SYT14: variants seen among roughly 807,000 people sequenced by gnomAD.
The protein encoded by SYT14 is synaptotagmin 14, also known as synaptotagmin-14.
In SYT14, 32 loss-of-function variants were observed where a neutral mutation model predicts 74.2. That is an observed-to-expected ratio of 0.43 (90% CI 0.33 to 0.58). SYT14 has a LOEUF of 0.58. Ranked by LOEUF, SYT14 falls within the 20% of genes least tolerant of loss-of-function variation. SYT14 has a pLI of 0.05. For synonymous variants in SYT14, 298 were observed against 337.7 expected, an observed-to-expected ratio of 0.88 and a Z score of 1.29; for missense variants, 791 against 981.8, an observed-to-expected ratio of 0.81 and a Z score of 2.60.
chr1:210,035,951 G>T (rs542654482), intron 5 of SYT14, among the ~76,000 whole-genome samples: 1 of 151,950 alleles, frequency 6.6e-6, no homozygotes, highest in Non-Finnish European at 1.5e-5. Flanking sequence ...AAACGATATT[G>T]TTATTTTGTT....
At chr1:210,044,441 C>G (rs958553988) in intron 5 of SYT14, among the ~76,000 whole-genome samples, 1 of 152,196 alleles carries the variant, frequency 6.6e-6, no homozygotes, top group Non-Finnish European at 1.5e-5. Context: ...TAAGCCACTG[C>G]TGGCATCTTT....
intron 3 of SYT14, chr1:210,015,643 A>G (rs1006447209): frequency 9.3e-5 from 15 of 162,132 alleles, no homozygotes; most frequent in Non-Finnish European, 1.9e-4. Flanking sequence ...AAGCAAACTA[A>G]AAGTACATAA....
At chr1:210,139,872 CT>C (rs2082879498) in intron 7 of SYT14, among the ~76,000 whole-genome samples, 1 of 152,110 alleles carries the variant, frequency 6.6e-6, no homozygotes, top group Non-Finnish European at 1.5e-5. Flanking sequence ...TTTTGTTCAT[CT>C]TTTCATTCAT....
intron 2 of SYT14, among the ~76,000 whole-genome samples, chr1:209,997,971 A>T (rs1026278401): frequency 6.6e-6 from 1 of 152,146 alleles, no homozygotes; most frequent in African/African-American, 2.4e-5. Context: ...TTATTTAAAA[A>T]GTTAAAGGCT....
At chr1:209,988,915 C>T (rs773169096) in intron 2 of SYT14, among the ~76,000 whole-genome samples, 2 of 152,112 alleles carry the variant, frequency 1.3e-5, no homozygotes, top group African/African-American at 2.4e-5. Flanking sequence ...CTTTTTATTC[C>T]GGGACTCAGC....
chr1:210,065,236 T>G (rs1177035052), intron 5 of SYT14, among the ~76,000 whole-genome samples: 1 of 152,070 alleles, frequency 6.6e-6, no homozygotes, highest in East Asian at 1.9e-4. Flanking sequence ...AATCTCATCT[T>G]GAATTGTAGT....
exon 4 of SYT14, chr1:210,016,137 A>G: frequency 8.1e-7 from 1 of 1,232,170 alleles, no homozygotes; most frequent in Non-Finnish European, 1.0e-6. Flanking sequence ...TCAGTTGCTG[A>G]GCAGGTAACA....
At chr1:209,974,484 C>T (rs2079319509) in intron 2 of SYT14, among the ~76,000 whole-genome samples, 2 of 152,168 alleles carry the variant, frequency 1.3e-5, no homozygotes, top group Non-Finnish European at 1.5e-5. Context: ...TTACCCATTT[C>T]TTGTTTTTGT....
At chr1:210,067,295 G>A (rs227209) in intron 5 of SYT14, among the ~76,000 whole-genome samples, 51,242 of 151,678 alleles carry the variant, frequency 0.34, 9,720 homozygotes, top group Non-Finnish European at 0.42. Flanking sequence ...TTGCAATTCC[G>A]TATGGATTTT....
chr1:210,022,387 T>C, intron 5 of SYT14, among the ~76,000 whole-genome samples: 1 of 152,182 alleles, frequency 6.6e-6, no homozygotes, highest in East Asian at 1.9e-4. Flanking sequence ...ATCTGACAGG[T>C]ACTCTACCCT....
intron 1 of SYT14, among the ~76,000 whole-genome samples, chr1:209,940,398 A>G (rs771730464): frequency 1.1e-4 from 16 of 152,090 alleles, no homozygotes; most frequent in East Asian, 7.7e-4. Context: ...GCTGTATACA[A>G]TGTTCATTGC....
chr1:210,124,916 G>T (rs184639900), intron 7 of SYT14, among the ~76,000 whole-genome samples: 1 of 151,424 alleles, frequency 6.6e-6, no homozygotes, highest in Admixed American at 6.6e-5. Context: ...TTGAGATTCT[G>T]TAGCATTCTG....
chr1:210,055,356 G>C (rs763453538), intron 5 of SYT14, among the ~76,000 whole-genome samples: 1 of 152,130 alleles, frequency 6.6e-6, no homozygotes, highest in Non-Finnish European at 1.5e-5. Flanking sequence ...TTTATGAAAA[G>C]TCTTTATGTA....
At chr1:210,092,675 C>G (rs984565858) in intron 5 of SYT14, among the ~76,000 whole-genome samples, 5 of 152,166 alleles carry the variant, frequency 3.3e-5, no homozygotes, top group African/African-American at 1.2e-4. Flanking sequence ...TTAGCTTCAA[C>G]TTTATTAATT....
At chr1:210,047,949 T>C (rs2080916884) in intron 5 of SYT14, among the ~76,000 whole-genome samples, 1 of 152,186 alleles carries the variant, frequency 6.6e-6, no homozygotes, top group African/African-American at 2.4e-5. Context: ...ATCTCAGATA[T>C]TATTGGTGCT....
intron 5 of SYT14, among the ~76,000 whole-genome samples, chr1:210,034,553 T>C (rs2103003311): frequency 6.6e-6 from 1 of 151,594 alleles, no homozygotes; most frequent in African/African-American, 2.4e-5. Context: ...ATAGAGTACA[T>C]TGTACTCATT....
exon 4 of SYT14, chr1:210,016,768 G>A: frequency 8.1e-7 from 1 of 1,231,770 alleles, no homozygotes; most frequent in Non-Finnish European, 1.0e-6. Context: ...CCGATTTAGG[G>A]CATTCAGATC....
At chr1:210,138,158 A>G (rs2082831123) in intron 7 of SYT14, among the ~76,000 whole-genome samples, 1 of 152,240 alleles carries the variant, frequency 6.6e-6, no homozygotes, top group African/African-American at 2.4e-5. Context: ...AAAGGGTTTA[A>G]TGGACTCATA....
At chr1:209,981,457 T>C (rs1166323549) in intron 2 of SYT14, among the ~76,000 whole-genome samples, 3 of 141,182 alleles carry the variant, frequency 2.1e-5, no homozygotes, top group Admixed American at 2.1e-4. Context: ...TTTCTTTTTT[T>C]TTTTTTTTTT....
Sources: gnomAD v4.1 joint callset for allele counts (sites outside exome capture counted in the v4.1 genomes callset) on GRCh38, gnomAD v4.1.1 for gene constraint, MANE v1.5 for transcripts, NCBI Gene and HGNC (gene_info 2026-07-23, HGNC 2026-07-21) for gene names.